Variants in TMEM126A observed in about 807,000 individuals in gnomAD.
The protein encoded by TMEM126A is transmembrane protein 126A, also known as optic atrophy 7.
A neutral mutation model predicts 18.3 loss-of-function variants in TMEM126A; 10 were observed. The ratio of observed to expected loss-of-function variants is 0.55; its 90% CI spans 0.34 to 0.93. The LOEUF is 0.93. Among genes scored for constraint, TMEM126A ranks in the 40% least tolerant of loss-of-function variants. The pLI is 0.02. For missense variants in TMEM126A, 246 were observed against 230.2 expected, an observed-to-expected ratio of 1.07 and a Z score of -0.44; for synonymous variants, 68 against 78.1, an observed-to-expected ratio of 0.87 and a Z score of 0.68.
chr11:85,655,205 G>C (rs1046723465), intron 3 of TMEM126A, among the ~76,000 whole-genome samples: 1 of 152,098 alleles, frequency 6.6e-6, no homozygotes. Flanking sequence ...CGAGTATTTT[G>C]TTTTAATTCC....
intron 1 of TMEM126A, among the ~76,000 whole-genome samples, chr11:85,648,792 C>G (rs2082479579): frequency 6.6e-6 from 1 of 152,090 alleles, no homozygotes; most frequent in Non-Finnish European, 1.5e-5. Flanking sequence ...TATGGAATGT[C>G]AAGGTAATCA....
intron 2 of TMEM126A, among the ~76,000 whole-genome samples, chr11:85,651,298 G>A (rs2082498364): frequency 6.6e-6 from 1 of 152,162 alleles, no homozygotes; most frequent in South Asian, 2.1e-4. Flanking sequence ...GATAGCCAAG[G>A]CTTGTGGTAC....
At chr11:85,655,446 A>T in intron 3 of TMEM126A, 148 bp from the exon 4 acceptor site, 1 of 659,296 alleles carries the variant, frequency 1.5e-6, no homozygotes, top group Admixed American at 2.4e-5. Context: ...TCATAGATGT[A>T]ATTATACCTT....
At chr11:85,655,777 A>G (rs1398854345) in intron 4 of TMEM126A, 69 bp downstream of exon 4, 2 of 1,227,616 alleles carry the variant, frequency 1.6e-6, no homozygotes, top group Admixed American at 1.7e-5. Flanking sequence ...CAGCAAATAT[A>G]TTTTGTTTTT....
intron 2 of TMEM126A, among the ~76,000 whole-genome samples, chr11:85,653,297 T>C (rs2082515039): frequency 6.6e-6 from 1 of 152,212 alleles, no homozygotes; most frequent in South Asian, 2.1e-4. Flanking sequence ...AGAAAAGCTA[T>C]TTTAAGATGA....
chr11:85,650,242 T>G lies in TMEM126A; in HGVS notation c.-7-7T>G. 1 of 1,544,714 alleles carries G rather than the reference T, an allele frequency of 6.5e-7. No homozygotes were observed. The highest frequency in any genetic ancestry group is 1.1e-5 in the South Asian group (1 of 87,018). On this transcript the variant is annotated splice_region_variant and splice_polypyrimidine_tract_variant and intron_variant, in intron 1 of 4. Coordinates refer to ENST00000304511, the MANE Select transcript of TMEM126A (RefSeq NM_032273.4). ...TCTTGAGAAATGATATCTTCATGTTTTTTAAGGCTCAAAATGGAAAATCAT... is the reference window on the plus strand; with the variant it reads ...TCTTGAGAAATGATATCTTCATGTTGTTTAAGGCTCAAAATGGAAAATCAT...
At chr11:85,655,963 A>G (rs1379561418) in intron 4 of TMEM126A, among the ~76,000 whole-genome samples, 1 of 152,220 alleles carries the variant, frequency 6.6e-6, no homozygotes, top group African/African-American at 2.4e-5. Flanking sequence ...AGCTGCAAAC[A>G]GTATTATGCA....
rs1317634519 is a variant in TMEM126A, at chr11:85,655,641, G to A, written c.328G>A (p.Gly110Ser). 6 of 1,613,514 alleles carry A rather than the reference G, an allele frequency of 3.7e-6. No individual in the cohort carries two copies. The African/African-American group carries it at 8.0e-5, about 22-fold the overall frequency. ...TCTITRSGLT[G>S]LVIGGLYPVF... ...TACCATAACACGGAGTGGACTGACT[G>A]GTCTTGTTATTGGTGGTCTATACCC... Residue 110 changes from glycine to serine, a missense_variant, in exon 4 of 5, where the codon GGT (glycine) becomes AGT (serine). Physicochemically the swap from Gly to Ser is moderately conservative, Grantham distance 56 (BLOSUM62 0). Coordinates refer to ENST00000304511, the MANE Select transcript of TMEM126A (RefSeq NM_032273.4).
At chr11:85,654,463 TTAA>T (rs1303373429) in intron 3 of TMEM126A, among the ~76,000 whole-genome samples, 1 of 152,204 alleles carries the variant, frequency 6.6e-6, no homozygotes, top group African/African-American at 2.4e-5. Context: ...TACTTTTTCT[TTAA>T]TTGAGATGGA....
In TMEM126A at chr11:85,656,400, AT is replaced by A; in HGVS notation, c.491del (p.Leu164CysfsTer19). The A allele has an allele frequency of 1.2e-6, 2 of 1,613,304 alleles. No individual in the cohort carries two copies. Among genetic ancestry groups the A allele is most frequent in the Non-Finnish European group, 1.7e-6 (2 of 1,179,606 alleles). On this transcript the variant is annotated frameshift_variant, in exon 5 of 5. Coordinates refer to ENST00000304511, the MANE Select transcript of TMEM126A (RefSeq NM_032273.4). LOFTEE classifies it high-confidence loss of function. ...KPVFRKMLFPILLQTMFSAYL... is the reference protein window; with the variant it reads ...KPVFRKMLFPXLLQTMFSAYL... ...TGTCTTTAGAAAGATGTTATTTCCT[AT>A]TTTGCTCCAGACTATGTTTTCAGCA...
intron 1 of TMEM126A, 72 bp from the exon 2 acceptor site, chr11:85,650,172 ATTATT>A: frequency 1.1e-6 from 1 of 892,426 alleles, no homozygotes; most frequent in Non-Finnish European, 1.8e-6. Context: ...GCTCTACAGT[ATTATT>A]TTTAGTCTTC....
At chr11:85,654,042 T>G (rs1010123730) in intron 2 of TMEM126A, 21 bp from the exon 3 acceptor site, 1 of 1,613,524 alleles carries the variant, frequency 6.2e-7, no homozygotes, top group Non-Finnish European at 8.5e-7. Context: ...AAAGAAAAGT[T>G]CTTTCTTCTC....
chr11:85,648,525 A>C (rs979838909), intron 1 of TMEM126A, among the ~76,000 whole-genome samples: 3 of 152,208 alleles, frequency 2.0e-5, no homozygotes, highest in African/African-American at 7.2e-5. Flanking sequence ...TCGGAGACAA[A>C]ATGCCCACAG....
intron 2 of TMEM126A, among the ~76,000 whole-genome samples, chr11:85,652,344 A>G (rs1226990100): frequency 1.3e-5 from 2 of 152,248 alleles, no homozygotes; most frequent in East Asian, 1.9e-4. Context: ...CCTTGTTCCT[A>G]TTTTTTCTCT....
intron 3 of TMEM126A, chr11:85,655,361 CTAAGT>C: frequency 2.3e-6 from 1 of 441,252 alleles, no homozygotes; most frequent in East Asian, 4.7e-5. Flanking sequence ...ATTATTATAT[CTAAGT>C]TGAGAACAAA....
In TMEM126A at chr11:85,648,023, C is replaced by A. The variant is rs1396498000; in HGVS notation, c.-74C>A. ...GCGCCCAGGTAATTTGAGCAAAGGC[C>A]ACAGTGAACTCCGGCGTGGCTGAGG... On this transcript the variant is annotated 5_prime_UTR_variant, in exon 1 of 5. Transcript: ENST00000304511. The A allele has an allele frequency of 2.7e-5, 4 of 150,914 alleles. No individual in the cohort carries two copies. The highest frequency in any genetic ancestry group is 2.7e-4 in the Admixed American group (4 of 15,094). The allele number at this position is 150,914 out of a possible 1,614,324, so 9.3% of individuals were successfully genotyped here.
chr11:85,649,812 A>T (rs2082486393), intron 1 of TMEM126A, among the ~76,000 whole-genome samples: 1 of 152,024 alleles, frequency 6.6e-6, no homozygotes, highest in South Asian at 2.1e-4. Context: ...TGCCTGTTCA[A>T]ATATTTTGTC....
At chr11:85,649,576 C>T (rs191267568) in intron 1 of TMEM126A, among the ~76,000 whole-genome samples, 11 of 152,308 alleles carry the variant, frequency 7.2e-5, no homozygotes, top group African/African-American at 2.6e-4. Flanking sequence ...ATACCAAATT[C>T]TTTCCCAAAG....
chr11:85,650,907 A>G (rs1024818022), intron 2 of TMEM126A, among the ~76,000 whole-genome samples: 10 of 152,128 alleles, frequency 6.6e-5, no homozygotes, highest in Admixed American at 2.0e-4. Context: ...CATCTCTACT[A>G]AAAGTACAAA....
Sources: gnomAD v4.1 joint callset for allele counts (sites outside exome capture counted in the v4.1 genomes callset) on GRCh38, gnomAD v4.1.1 for gene constraint, MANE v1.5 for transcripts, NCBI Gene and HGNC (gene_info 2026-07-23, HGNC 2026-07-21) for gene names.